Variants in STX8 observed in about 807,000 individuals in gnomAD.
STX8 encodes syntaxin 8, also known as syntaxin-8.
Under a neutral mutation model 37.5 loss-of-function variants are expected in STX8, and 23 were observed. The ratio of observed to expected loss-of-function variants is 0.61; its 90% CI spans 0.44 to 0.87. The LOEUF is 0.87. Ranked by LOEUF, STX8 falls within the 40% of genes least tolerant of loss-of-function variation. STX8 has a pLI of 0.00. For missense variants in STX8, 313 were observed against 284.7 expected, an observed-to-expected ratio of 1.10 and a Z score of -0.71; for synonymous variants, 115 against 99.1, an observed-to-expected ratio of 1.16 and a Z score of -0.95.
chr17:9,374,148 C>T (rs542774116), intron 7 of STX8, among the ~76,000 whole-genome samples: 9 of 150,016 alleles, frequency 6.0e-5, no homozygotes, highest in African/African-American at 1.5e-4. Flanking sequence ...GCGGCACGAT[C>T]GCGGCTCACT....
chr17:9,314,839 T>C (rs1467480557), intron 7 of STX8, among the ~76,000 whole-genome samples: 3 of 149,320 alleles, frequency 2.0e-5, no homozygotes, highest in South Asian at 2.2e-4. Context: ...CACGGTGGCT[T>C]ACACCTGTAA....
chr17:9,485,911 G>C (rs1906576913), intron 6 of STX8, among the ~76,000 whole-genome samples: 1 of 152,150 alleles, frequency 6.6e-6, no homozygotes, highest in Admixed American at 6.5e-5. Context: ...AATCTGACCA[G>C]TAGGAGTTGC....
chr17:9,427,952 A>C (rs1359375927), intron 6 of STX8, among the ~76,000 whole-genome samples: 1 of 152,170 alleles, frequency 6.6e-6, no homozygotes, highest in East Asian at 1.9e-4. Flanking sequence ...TTCTGGATCA[A>C]TCTAACCTCC....
chr17:9,290,933 C>T (rs774943345), intron 7 of STX8, among the ~76,000 whole-genome samples: 2 of 152,184 alleles, frequency 1.3e-5, no homozygotes, highest in East Asian at 1.9e-4. Flanking sequence ...TGGGGGTTTC[C>T]GCACTACCTA....
intron 6 of STX8, among the ~76,000 whole-genome samples, chr17:9,428,130 C>A (rs1913705565): frequency 6.6e-6 from 1 of 152,172 alleles, no homozygotes; most frequent in Non-Finnish European, 1.5e-5. Context: ...TCTAAAAACT[C>A]TGAATCAGAG....
At chr17:9,284,496 AAAC>A (rs1399687706) in intron 7 of STX8, among the ~76,000 whole-genome samples, 1 of 152,248 alleles carries the variant, frequency 6.6e-6, no homozygotes, top group African/African-American at 2.4e-5. Flanking sequence ...ATACGGAGAT[AAAC>A]AATACATGTT....
In STX8 at chr17:9,568,477, C is replaced by T; in HGVS notation, c.18-7G>A. ...AGAATCGTATGTGGAGAACCTGCAC[C>T]AAAGTCGTAAAAAGAGAAAATGTTT... On this transcript the variant is annotated splice_region_variant and splice_polypyrimidine_tract_variant and intron_variant, in intron 1 of 7. Coordinates refer to ENST00000306357, the MANE Select transcript of STX8 (RefSeq NM_004853.3). The T allele has an allele frequency of 6.2e-7, 1 of 1,607,324 alleles. No homozygotes were observed. Among genetic ancestry groups the T allele is most frequent in the Non-Finnish European group, 8.5e-7 (1 of 1,176,992 alleles).
Position 9,250,567 on chromosome 17 carries a change from CTT to C in STX8, c.*9_*10del, listed in dbSNP as rs755797900. ...TGGCAGGTGTCACTGCTGGTGGTCT[CTT>C]TACTGCCATCAGTTGGTCGGCCAGA... On this transcript the variant is annotated 3_prime_UTR_variant, in exon 8 of 8. Transcript: ENST00000306357. 1.0e-5 allele frequency: 16 copies of C among 1,584,900 alleles called. No individual in the cohort carries two copies. The highest frequency in any genetic ancestry group is 1.3e-5 in the Non-Finnish European group (15 of 1,165,408).
Position 9,544,763 on chromosome 17 carries a change from C to T in STX8, c.323+409G>A, listed in dbSNP as rs1380157158. 3.3e-5 allele frequency among the ~76,000 whole-genome samples: 5 copies of T among 152,200 alleles called. No homozygotes were observed. The East Asian group carries it at 7.7e-4, about 24-fold the overall frequency. On this transcript the variant is annotated intron_variant, in intron 4 of 7. Transcript: ENST00000306357. ...ATCCCAGCACTTTGGGAGGCCAAGGCGGGCGGATCACGAGGTCAGGAGATC... is the reference window on the plus strand; with the variant it reads ...ATCCCAGCACTTTGGGAGGCCAAGGTGGGCGGATCACGAGGTCAGGAGATC...
At chr17:9,519,661 G>A (rs1292978423) in intron 4 of STX8, among the ~76,000 whole-genome samples, 1 of 151,940 alleles carries the variant, frequency 6.6e-6, no homozygotes, top group African/African-American at 2.4e-5. Flanking sequence ...GCTACAACAT[G>A]GCTACGATCT....
chr17:9,563,178 T>G (rs1907316570), intron 2 of STX8, among the ~76,000 whole-genome samples: 1 of 150,902 alleles, frequency 6.6e-6, no homozygotes, highest in Non-Finnish European at 1.5e-5. Context: ...TATTTATTTA[T>G]TTATTTATTT....
chr17:9,310,210 A>T (rs535604983), intron 7 of STX8, among the ~76,000 whole-genome samples: 15 of 152,290 alleles, frequency 9.8e-5, no homozygotes, highest in African/African-American at 3.6e-4. Flanking sequence ...CAAAATCCTA[A>T]TAAGAGAACT....
rs569244571 is a variant in STX8, at chr17:9,506,749, G to C, written c.324-1587C>G. 9.2e-5 allele frequency among the ~76,000 whole-genome samples: 14 copies of C among 152,258 alleles called. 1 individual carries two copies. The highest frequency in any genetic ancestry group is 6.5e-4 in the Admixed American group (10 of 15,298). On this transcript the variant is annotated intron_variant, in intron 4 of 7. Transcript: ENST00000306357. Reference sequence around the variant, plus strand: ...AGTTCTGAGCCCAGTTTGGAGAGCTGCTGGGAATTCGTACAGTTGCACTGC... The same window carrying C: ...AGTTCTGAGCCCAGTTTGGAGAGCTCCTGGGAATTCGTACAGTTGCACTGC...
chr17:9,263,336 C>T (rs1393562590), intron 7 of STX8, among the ~76,000 whole-genome samples: 8 of 151,914 alleles, frequency 5.3e-5, no homozygotes, highest in South Asian at 2.1e-4. Context: ...AAAAATTAGC[C>T]GGGCATGGTG....
In STX8 at chr17:9,356,960, G is replaced by GTTTTTTT. The variant is rs140965935; in HGVS notation, c.643+21585_643+21591dup. 6.8e-4 allele frequency among the ~76,000 whole-genome samples: 42 copies of GTTTTTTT among 61,748 alleles called. 3 individuals are homozygous for GTTTTTTT. The highest frequency in any genetic ancestry group is 1.6e-3 in the African/African-American group (25 of 16,090). 40.5% of individuals were successfully genotyped at this position (61,748 alleles called of 152,430 possible). A position where few individuals can be genotyped will look rare whatever the true frequency, so the allele number is the denominator to read the frequency against. On this transcript the variant is annotated intron_variant, in intron 7 of 7. Transcript: ENST00000306357. Reference sequence around the variant, plus strand: ...TTTCATTCTCTCCATCCTTTTAACAGTTTTTTTTTTTTTTTTTTTTTTTTT... The same window carrying GTTTTTTT: ...TTTCATTCTCTCCATCCTTTTAACAGTTTTTTTTTTTTTTTTTTTTTTTTTTTTTTTT...
At chr17:9,360,510 A>G (rs577262696) in intron 7 of STX8, among the ~76,000 whole-genome samples, 128 of 152,176 alleles carry the variant, frequency 8.4e-4, no homozygotes, top group African/African-American at 2.8e-3. Flanking sequence ...TGCTGGGATT[A>G]CAGTGTTGAG....
At chr17:9,560,047 C>T (rs1205289872) in intron 2 of STX8, among the ~76,000 whole-genome samples, 1 of 150,078 alleles carries the variant, frequency 6.7e-6, no homozygotes, top group African/African-American at 2.5e-5. Flanking sequence ...CAGGCATGAG[C>T]CACCGCGCCC....
chr17:9,536,362 G>A (rs968554398), intron 4 of STX8, among the ~76,000 whole-genome samples: 4 of 152,138 alleles, frequency 2.6e-5, no homozygotes, highest in Non-Finnish European at 5.9e-5. Flanking sequence ...AGCCCTGACG[G>A]CATCACTGGG....
intron 6 of STX8, among the ~76,000 whole-genome samples, chr17:9,447,307 T>G (rs926329976): frequency 2.6e-5 from 4 of 152,236 alleles, no homozygotes; most frequent in African/African-American, 7.2e-5. Context: ...ATTACAAGAA[T>G]GAAGTGTGTG....
Sources: allele counts gnomAD v4.1 joint callset (sites outside exome capture counted in the v4.1 genomes callset), GRCh38; gene constraint gnomAD v4.1.1; transcripts MANE v1.5; gene names NCBI Gene and HGNC (gene_info 2026-07-23, HGNC 2026-07-21).